The following NR5A2 variants were observed in gnomAD, a reference collection of about 807,000 sequenced individuals.
The protein encoded by NR5A2 is CYP7A promoter-binding factor.
Under a neutral mutation model 62.7 loss-of-function variants are expected in NR5A2, and 26 were observed. The observed-to-expected ratio is 0.41, with a 90% CI of 0.30 to 0.58. NR5A2 has a LOEUF of 0.58. Among genes scored for constraint, NR5A2 ranks in the 20% least tolerant of loss-of-function variants. The pLI, the probability that NR5A2 is intolerant of heterozygous loss-of-function variation, is 0.22. For synonymous variants in NR5A2, 246 were observed against 241.7 expected (o/e 1.02, Z -0.16); for missense variants, 541 against 669.1 (o/e 0.81, Z 2.11).
At chr1:200,167,930 A>C (rs887805015) in intron 7 of NR5A2, among the ~76,000 whole-genome samples, 1 of 152,260 alleles carries the variant, frequency 6.6e-6, no homozygotes, top group East Asian at 1.9e-4. Context: ...TTAGCTGCCC[A>C]TCCTGTAAGG....
chr1:200,102,844 G>A (rs1371544850), intron 5 of NR5A2, among the ~76,000 whole-genome samples: 1 of 152,186 alleles, frequency 6.6e-6, no homozygotes, highest in Non-Finnish European at 1.5e-5. Flanking sequence ...TGATAGTATG[G>A]GATGGAGTTG....
At chr1:200,154,994 T>C (rs1041490401) in intron 7 of NR5A2, among the ~76,000 whole-genome samples, 1 of 152,218 alleles carries the variant, frequency 6.6e-6, no homozygotes, top group Non-Finnish European at 1.5e-5. Context: ...TTTAGGAATA[T>C]CTATGTTTAC....
chr1:200,038,379 C>T (rs895583419), intron 1 of NR5A2, among the ~76,000 whole-genome samples: 14 of 152,172 alleles, frequency 9.2e-5, no homozygotes, highest in African/African-American at 3.4e-4. Context: ...AGGGAGCAGA[C>T]TGGGGAAAGA....
At chr1:200,047,905 A>C (rs1260496435) in intron 4 of NR5A2, among the ~76,000 whole-genome samples, 1 of 152,118 alleles carries the variant, frequency 6.6e-6, no homozygotes, top group Non-Finnish European at 1.5e-5. Context: ...TGTCTAACAA[A>C]AATTATGAAC....
chr1:200,073,231 C>CAT (rs1407636032), intron 5 of NR5A2, among the ~76,000 whole-genome samples: 1 of 83,260 alleles, frequency 1.2e-5, no homozygotes, highest in Non-Finnish European at 2.1e-5. Flanking sequence ...AAAGCATTTA[C>CAT]ATACATATAT....
At chr1:200,158,901 C>CTTT (rs111640682) in intron 7 of NR5A2, among the ~76,000 whole-genome samples, 1 of 144,942 alleles carries the variant, frequency 6.9e-6, no homozygotes, top group South Asian at 2.2e-4. Context: ...ATGTTTGATT[C>CTTT]TTTTTTTTTT....
chr1:200,080,040 T>G (rs1463232819), intron 5 of NR5A2, among the ~76,000 whole-genome samples: 1 of 152,250 alleles, frequency 6.6e-6, no homozygotes, highest in Non-Finnish European at 1.5e-5. Flanking sequence ...CCCAGGCTTT[T>G]AGCAAATGGC....
intron 5 of NR5A2, among the ~76,000 whole-genome samples, chr1:200,075,757 C>A (rs1321395540): frequency 6.6e-6 from 1 of 152,192 alleles, no homozygotes; most frequent in Non-Finnish European, 1.5e-5. Flanking sequence ...CTCCTTTTAA[C>A]ACTGTGGGCT....
At chr1:200,054,116 A>AC (rs1662798311) in intron 5 of NR5A2, 1 of 152,102 alleles carries the variant, frequency 6.6e-6, no homozygotes, top group African/African-American at 2.4e-5. Context: ...GATTAGCATG[A>AC]CCCCCTGCAC....
intron 5 of NR5A2, among the ~76,000 whole-genome samples, chr1:200,086,303 AC>A (rs1327716353): frequency 6.6e-6 from 1 of 151,720 alleles, no homozygotes; most frequent in Non-Finnish European, 1.5e-5. Flanking sequence ...AGTTCCGGAA[AC>A]TTTTTTTTTT....
intron 5 of NR5A2, among the ~76,000 whole-genome samples, chr1:200,070,452 TG>T (rs1663687174): frequency 6.6e-6 from 1 of 152,112 alleles, no homozygotes; most frequent in African/African-American, 2.4e-5. Context: ...CACTTTGGGA[TG>T]CCGAATTAGG....
chr1:200,098,969 T>G (rs1221958508), intron 5 of NR5A2, among the ~76,000 whole-genome samples: 1 of 152,260 alleles, frequency 6.6e-6, no homozygotes, highest in Non-Finnish European at 1.5e-5. Context: ...AGGGCCAAAC[T>G]TCGACTGTTG....
Position 200,076,932 on chromosome 1 carries a change from G to A in NR5A2, c.1110+28114G>A, listed in dbSNP as rs559752437. On this transcript the variant is annotated intron_variant, in intron 5 of 7. Transcript: ENST00000367362. ...TAAATTAAATATTAATTATAGAGAA[G>A]TTTAAAATGTACTTAAAATGAATTT... is the stretch of plus-strand genomic sequence containing the variant. 2.0e-5 allele frequency among the ~76,000 whole-genome samples: 3 copies of A among 152,246 alleles called. No homozygotes were observed. In the South Asian group the frequency reaches 6.2e-4, roughly 32 times the overall value.
At chr1:200,126,428 T>C (rs954694611) in intron 7 of NR5A2, among the ~76,000 whole-genome samples, 1 of 152,210 alleles carries the variant, frequency 6.6e-6, no homozygotes, top group Non-Finnish European at 1.5e-5. Flanking sequence ...TATGTTTTAC[T>C]CCTCATGTAC....
At chr1:200,045,157 A>G (rs1346194795) in intron 3 of NR5A2, among the ~76,000 whole-genome samples, 1 of 152,160 alleles carries the variant, frequency 6.6e-6, no homozygotes, top group Non-Finnish European at 1.5e-5. Flanking sequence ...ATTTATCTAT[A>G]TAGAGTGTAT....
At chr1:200,084,317 C>T (rs139217993) in intron 5 of NR5A2, among the ~76,000 whole-genome samples, 1 of 152,216 alleles carries the variant, frequency 6.6e-6, no homozygotes, top group African/African-American at 2.4e-5. Flanking sequence ...GAGATCATAC[C>T]AGTTTTCCCA....
intron 4 of NR5A2, among the ~76,000 whole-genome samples, chr1:200,046,104 T>C (rs1449711408): frequency 1.3e-5 from 2 of 152,156 alleles, no homozygotes; most frequent in African/African-American, 2.4e-5. Context: ...ATATTATCTT[T>C]GATAGTGTAG....
chr1:200,051,555 C>T (rs1183604838), intron 5 of NR5A2, among the ~76,000 whole-genome samples: 9 of 152,102 alleles, frequency 5.9e-5, no homozygotes, highest in Non-Finnish European at 1.2e-4. Context: ...AAAGTACAAA[C>T]GTGAGGGTCG....
intron 5 of NR5A2, among the ~76,000 whole-genome samples, chr1:200,051,548 G>T (rs1465307877): frequency 6.6e-6 from 1 of 152,148 alleles, no homozygotes; most frequent in Non-Finnish European, 1.5e-5. Context: ...AGGGAAAAAA[G>T]TACAAACGTG....
Sources: allele counts gnomAD v4.1 joint callset (sites outside exome capture counted in the v4.1 genomes callset), GRCh38; gene constraint gnomAD v4.1.1; transcripts MANE v1.5; gene names NCBI Gene and HGNC (gene_info 2026-07-23, HGNC 2026-07-21).